GPC6: variants seen among roughly 807,000 people sequenced by gnomAD.
GPC6 encodes the protein glypican-6.
GPC6 carries 14 observed loss-of-function variants against 55.2 expected under a neutral mutation model. That is an observed-to-expected ratio of 0.25 (90% CI 0.17 to 0.40). The LOEUF is 0.40. Among genes scored for constraint, GPC6 ranks in the 10% least tolerant of loss-of-function variants. The pLI is 1.00. For missense variants in GPC6, 641 were observed against 708.5 expected, an observed-to-expected ratio of 0.90 and a Z score of 1.08; for synonymous variants, 278 against 259.6, an observed-to-expected ratio of 1.07 and a Z score of -0.68.
chr13:94,046,113 A>G (rs1883723996), intron 4 of GPC6, among the ~76,000 whole-genome samples: 1 of 151,668 alleles, frequency 6.6e-6, no homozygotes, highest in Admixed American at 6.6e-5. Flanking sequence ...GCCAACAAAA[A>G]AATAGGTTTA....
intron 4 of GPC6, among the ~76,000 whole-genome samples, chr13:94,079,246 C>T (rs1159103569): frequency 6.6e-6 from 1 of 151,948 alleles, no homozygotes; most frequent in African/African-American, 2.4e-5. Context: ...CCAAGGATAC[C>T]GAGGAAGGAC....
intron 2 of GPC6, among the ~76,000 whole-genome samples, chr13:93,697,843 T>C (rs1882514086): frequency 1.3e-5 from 2 of 152,174 alleles, no homozygotes; most frequent in South Asian, 4.1e-4. Flanking sequence ...TCCCTTTTCT[T>C]ATAATCCATC....
chr13:94,225,773 G>A (rs2139006886), intron 4 of GPC6, among the ~76,000 whole-genome samples: 1 of 151,996 alleles, frequency 6.6e-6, no homozygotes, highest in South Asian at 2.1e-4. Flanking sequence ...GAGGCTTGCA[G>A]GAGCCTAAAT....
intron 1 of GPC6, among the ~76,000 whole-genome samples, chr13:93,259,409 T>C (rs1164346021): frequency 6.6e-6 from 1 of 152,146 alleles, no homozygotes; most frequent in Non-Finnish European, 1.5e-5. Context: ...ATCAGATTTA[T>C]GTAGAAGCTT....
chr13:93,880,306 G>C (rs1478520312), intron 3 of GPC6, among the ~76,000 whole-genome samples: 1 of 151,918 alleles, frequency 6.6e-6, no homozygotes, highest in Non-Finnish European at 1.5e-5. Flanking sequence ...CAAAGACTTG[G>C]AACCAACTCA....
intron 1 of GPC6, among the ~76,000 whole-genome samples, chr13:93,341,017 A>G (rs1880236998): frequency 1.3e-5 from 2 of 152,278 alleles, no homozygotes; most frequent in East Asian, 3.9e-4. Flanking sequence ...TTGGTTATTC[A>G]TTCCTGAGTT....
At chr13:93,222,123 A>G (rs898903623), upstream of GPC6, among the ~76,000 whole-genome samples, 1 of 152,198 alleles carries the variant, frequency 6.6e-6, no homozygotes, top group Non-Finnish European at 1.5e-5. Context: ...TTTTACTTAC[A>G]TGAGATAGGG....
intron 2 of GPC6, among the ~76,000 whole-genome samples, chr13:93,588,147 C>T (rs1877289946): frequency 6.6e-6 from 1 of 152,130 alleles, no homozygotes; most frequent in African/African-American, 2.4e-5. Context: ...GAGTCATTGA[C>T]CACTTCTTCG....
At chr13:94,100,093 CT>C (rs1038505139) in intron 4 of GPC6, among the ~76,000 whole-genome samples, 2 of 152,010 alleles carry the variant, frequency 1.3e-5, no homozygotes, top group African/African-American at 4.8e-5. Flanking sequence ...ACATGTACCC[CT>C]GAACCTAAAA....
intron 3 of GPC6, among the ~76,000 whole-genome samples, chr13:93,974,517 TTAAG>T (rs1488833738): frequency 6.6e-6 from 1 of 152,162 alleles, no homozygotes; most frequent in African/African-American, 2.4e-5. Flanking sequence ...ATCTTAATAA[TTAAG>T]TTTTAAAGAA....
In GPC6 at chr13:93,811,016, A is replaced by G. The variant is rs150574330; in HGVS notation, c.320-19138A>G. 2.5e-3 allele frequency among the ~76,000 whole-genome samples: 378 copies of G among 152,326 alleles called. 2 individuals carry two copies. The highest frequency in any genetic ancestry group is 8.6e-3 in the African/African-American group (359 of 41,566). ...CAGTGATTTATGTATTTGACTTTGA[A>G]GTCAACAATTGTGTAGCACTTAATG... On this transcript the variant is annotated intron_variant, in intron 2 of 8. Coordinates refer to ENST00000377047, the MANE Select transcript of GPC6 (RefSeq NM_005708.5).
At chr13:94,380,090 C>G (rs1880091802) in intron 6 of GPC6, among the ~76,000 whole-genome samples, 1 of 152,172 alleles carries the variant, frequency 6.6e-6, no homozygotes, top group Admixed American at 6.6e-5. Flanking sequence ...CGGCATGCAA[C>G]TTTGTTCTTT....
chr13:94,078,676 C>T (rs2138792975), intron 4 of GPC6, among the ~76,000 whole-genome samples: 1 of 151,932 alleles, frequency 6.6e-6, no homozygotes, highest in East Asian at 1.9e-4. Context: ...ATACATACAA[C>T]CTACCGACAC....
intron 6 of GPC6, among the ~76,000 whole-genome samples, chr13:94,349,707 C>A (rs887445920): frequency 1.3e-5 from 2 of 152,148 alleles, no homozygotes; most frequent in Admixed American, 1.3e-4. Context: ...TGTCAAAATG[C>A]AACAGTTCCT....
chr13:94,095,422 T>C (rs1240935798), intron 4 of GPC6, among the ~76,000 whole-genome samples: 2 of 152,162 alleles, frequency 1.3e-5, no homozygotes, highest in Non-Finnish European at 2.9e-5. Flanking sequence ...AGAAGTAAGT[T>C]AAATTAATTG....
chr13:94,281,797 A>G (rs1892390716), intron 4 of GPC6, among the ~76,000 whole-genome samples: 1 of 152,190 alleles, frequency 6.6e-6, no homozygotes, highest in Admixed American at 6.5e-5. Context: ...TCTCTCTCAC[A>G]TCCCAAGGGA....
chr13:94,159,804 T>C (rs1888090555), intron 4 of GPC6, among the ~76,000 whole-genome samples: 1 of 152,184 alleles, frequency 6.6e-6, no homozygotes, highest in African/African-American at 2.4e-5. Context: ...AACAATAATA[T>C]GTTCTAGGTC....
intron 1 of GPC6, among the ~76,000 whole-genome samples, chr13:93,262,427 A>C (rs1408315862): frequency 3.9e-5 from 6 of 152,208 alleles, no homozygotes; most frequent in African/African-American, 7.2e-5. Context: ...TAAAACTTGC[A>C]CAATTGACAC....
intron 3 of GPC6, among the ~76,000 whole-genome samples, chr13:94,014,141 T>C (rs1351810666): frequency 2.0e-5 from 3 of 152,176 alleles, no homozygotes; most frequent in African/African-American, 7.2e-5. Flanking sequence ...GGAGAAAAGA[T>C]AGTTTCAGAG....
Sources: allele counts gnomAD v4.1 joint callset (sites outside exome capture counted in the v4.1 genomes callset), GRCh38; gene constraint gnomAD v4.1.1; transcripts MANE v1.5; gene names NCBI Gene and HGNC (gene_info 2026-07-23, HGNC 2026-07-21).